Variants in USP34 observed in about 807,000 individuals in gnomAD.
USP34 encodes the protein ubiquitin carboxyl-terminal hydrolase 34.
USP34 carries 70 observed loss-of-function variants against 460.3 expected under a neutral mutation model. That is an observed-to-expected ratio of 0.15 (90% confidence interval 0.13 to 0.19). The LOEUF (loss-of-function observed/expected upper bound fraction) is 0.19, where lower values mean the gene tolerates loss of function less well. Among genes scored for constraint, USP34 ranks in the 10% least tolerant of loss-of-function variants. USP34 has a pLI of 1.00. For missense variants in USP34, 3,985 were observed against 4,236.2 expected, an observed-to-expected ratio of 0.94 and a Z score of 1.65; for synonymous variants, 1,647 against 1,405.3, an observed-to-expected ratio of 1.17 and a Z score of -3.85.
intron 41 of USP34, among the ~76,000 whole-genome samples, chr2:61,269,070 A>C (rs1253726706): frequency 6.6e-6 from 1 of 152,198 alleles, no homozygotes; most frequent in African/African-American, 2.4e-5. Context: ...AAAGATGTTC[A>C]AAGATACTAA....
At chr2:61,432,181 T>TAA (rs1397128495) in intron 1 of USP34, among the ~76,000 whole-genome samples, 1 of 143,464 alleles carries the variant, frequency 7.0e-6, no homozygotes, top group African/African-American at 2.6e-5. Context: ...GTTTTTCAAT[T>TAA]AAAAAAAAAA....
intron 10 of USP34, among the ~76,000 whole-genome samples, chr2:61,352,562 A>C (rs1279886650): frequency 6.6e-6 from 1 of 151,892 alleles, no homozygotes; most frequent in East Asian, 1.9e-4. Flanking sequence ...GCCTAAGCTC[A>C]AGTGATCCTC....
In USP34 at chr2:61,214,192, C is replaced by A. The variant is rs763077871; in HGVS notation, c.8550G>T (p.Met2850Ile). 6.2e-7 allele frequency: 1 copy of A among 1,614,222 alleles called. No homozygotes were observed. Residue 2850 changes from methionine (M) to isoleucine (I), a missense_variant, in exon 68 of 80, where the codon ATG becomes ATT. Met to Ile is a conservative substitution (Grantham distance 10). Coordinates refer to ENST00000398571, the MANE Select transcript of USP34 (RefSeq NM_014709.4). ...TCAGAATGCCATAGTACGCTGGCAG[C>A]ATCCCACGGTTAAAAAGCACCACAT... ...DQDVVLFNRG[M>I]LPAYYGILRL...
chr2:61,454,070 CA>C (rs1695361490), intron 1 of USP34, among the ~76,000 whole-genome samples: 1 of 152,084 alleles, frequency 6.6e-6, no homozygotes, highest in Non-Finnish European at 1.5e-5. Flanking sequence ...TTAACAATCA[CA>C]AGGTTTGTAT....
chr2:61,260,070 A>G (rs887769382), intron 43 of USP34, among the ~76,000 whole-genome samples: 4 of 152,164 alleles, frequency 2.6e-5, no homozygotes, highest in African/African-American at 9.7e-5. Context: ...CAAGAATGCA[A>G]GAATGAAAAA....
intron 43 of USP34, among the ~76,000 whole-genome samples, chr2:61,262,348 C>T (rs187241537): frequency 1.1e-3 from 171 of 152,150 alleles, no homozygotes; most frequent in African/African-American, 4.0e-3. Flanking sequence ...CCACACTCCA[C>T]CCTCAGGTAG....
chr2:61,232,410 C>T (rs898698424), intron 58 of USP34, 42 bp downstream of exon 58: 3 of 1,469,488 alleles, frequency 2.0e-6, no homozygotes, highest in African/African-American at 2.8e-5. Flanking sequence ...TTGAAAGTAA[C>T]TTCTTTTCCA....
intron 1 of USP34, among the ~76,000 whole-genome samples, chr2:61,457,254 C>A (rs747379272): frequency 1.3e-5 from 2 of 152,080 alleles, no homozygotes; most frequent in Non-Finnish European, 2.9e-5. Flanking sequence ...CTAGACTGGG[C>A]GACAGAGCAA....
At chr2:61,458,071 T>A (rs972862752) in intron 1 of USP34, among the ~76,000 whole-genome samples, 4 of 152,132 alleles carry the variant, frequency 2.6e-5, no homozygotes, top group Admixed American at 2.0e-4. Flanking sequence ...GCAGGCACTG[T>A]AAAACAGTAG....
At chr2:61,400,506 G>A (rs1181476405) in intron 3 of USP34, among the ~76,000 whole-genome samples, 1 of 152,112 alleles carries the variant, frequency 6.6e-6, no homozygotes, top group Non-Finnish European at 1.5e-5. Context: ...AAGTAACTCA[G>A]TGATGTTGGA....
intron 1 of USP34, among the ~76,000 whole-genome samples, chr2:61,469,649 G>C (rs1034709581): frequency 3.3e-5 from 5 of 152,152 alleles, no homozygotes; most frequent in Non-Finnish European, 7.4e-5. Context: ...TACAAAATTA[G>C]ATAGTCTGAA....
chr2:61,188,418 C>T lies in USP34; in HGVS notation c.10325G>A (p.Gly3442Asp). 1 of 1,614,164 alleles carries T rather than the reference C, an allele frequency of 6.2e-7. No homozygotes were observed. The highest frequency in any genetic ancestry group is 8.5e-7 in the Non-Finnish European group (1 of 1,180,030). ...AAATTCTTTACAATCGTCATATCTACCATTGTTGGACTGTTCTTCTGCATG... is the reference window on the plus strand; with the variant it reads ...AAATTCTTTACAATCGTCATATCTATCATTGTTGGACTGTTCTTCTGCATG... ...SQHAEEQSNN[G>D]RYDDCKEFKD... The change falls in exon 80 of 80, where the codon GGT (glycine) becomes GAT (aspartate). Residue 3442 changes from glycine (G) to aspartate (D), a missense_variant. By Grantham distance (94) the Gly-to-Asp change is moderately conservative. Around this residue, in one of 14 missense-constraint regions of USP34, gnomAD observed 506 missense variants for 439.0 expected, o/e 1.15. Coordinates refer to ENST00000398571, the MANE Select transcript of USP34 (RefSeq NM_014709.4).
At chr2:61,236,119 G>A (rs751523200) in intron 55 of USP34, 42 bp downstream of exon 55, 3 of 1,594,196 alleles carry the variant, frequency 1.9e-6, no homozygotes, top group African/African-American at 2.7e-5. Flanking sequence ...TTTTAAAGTA[G>A]TAAATTTTGA....
intron 2 of USP34, among the ~76,000 whole-genome samples, chr2:61,406,352 G>A (rs1481789914): frequency 6.6e-6 from 1 of 151,968 alleles, no homozygotes; most frequent in Admixed American, 6.6e-5. Context: ...ATTATCTTCA[G>A]TTTTACGTAT....
At chr2:61,235,632 A>T (rs1688046364) in intron 57 of USP34, among the ~76,000 whole-genome samples, 1 of 152,038 alleles carries the variant, frequency 6.6e-6, no homozygotes, top group African/African-American at 2.4e-5. Flanking sequence ...CCAAAACATG[A>T]ATTTTTAAGT....
intron 75 of USP34, among the ~76,000 whole-genome samples, chr2:61,195,670 T>G (rs1235989939): frequency 1.3e-5 from 2 of 152,030 alleles, no homozygotes; most frequent in African/African-American, 4.8e-5. Flanking sequence ...AGACTCTGTC[T>G]CAAACAAAAC....
At chr2:61,445,491 C>T (rs112760887) in intron 1 of USP34, among the ~76,000 whole-genome samples, 1,832 of 146,756 alleles carry the variant, frequency 0.012, 32 homozygotes, top group African/African-American at 0.039. Flanking sequence ...GCCGAGATTG[C>T]GCCACTGCAC....
intron 53 of USP34, among the ~76,000 whole-genome samples, chr2:61,237,552 G>T (rs1023511101): frequency 1.6e-5 from 2 of 125,138 alleles, no homozygotes; most frequent in African/African-American, 3.2e-5. Flanking sequence ...TATTTTCTGT[G>T]GATTTTTTTT....
intron 1 of USP34, among the ~76,000 whole-genome samples, chr2:61,459,763 C>CAAGACTCCATCT (rs1695546832): frequency 8.3e-6 from 1 of 120,660 alleles, no homozygotes; most frequent in South Asian, 2.5e-4. Context: ...GGCTACAGAG[C>CAAGACTCCATCT]CAAAAAAAAA....
Sources: gnomAD v4.1 joint callset for allele counts (sites outside exome capture counted in the v4.1 genomes callset) on GRCh38, gnomAD v4.1.1 for gene constraint, gnomAD v4.1.1 regional missense constraint, MANE v1.5 for transcripts, NCBI Gene and HGNC (gene_info 2026-07-23, HGNC 2026-07-21) for gene names.